The following TAFA1 variants were observed in gnomAD, a reference collection of about 807,000 sequenced individuals.
TAFA1 encodes TAFA chemokine like family member 1, also known as chemokine-like protein TAFA-1.
TAFA1 carries 4 observed loss-of-function variants against 18.5 expected under a neutral mutation model. The observed-to-expected ratio is 0.22, with a 90% CI of 0.11 to 0.49. The LOEUF is 0.49. Ranked by LOEUF, TAFA1 falls within the 20% of genes least tolerant of loss-of-function variation. The pLI is 0.98. For synonymous variants in TAFA1, 56 were observed against 55.2 expected (o/e 1.01, Z -0.06); for missense variants, 147 against 169.0 (o/e 0.87, Z 0.72).
chr3:68,026,561 C>T lies in TAFA1; in HGVS notation c.118+19817C>T, dbSNP rs996393364. On this transcript the variant is annotated intron_variant, in intron 2 of 4. Coordinates refer to ENST00000478136, the MANE Select transcript of TAFA1 (RefSeq NM_213609.4). ...CAGACCCACACCCACATATATACAT[C>T]TGTATATATTATTTAACCCTGACAA... is the stretch of plus-strand genomic sequence containing the variant. Among the ~76,000 whole-genome samples the T allele has an allele frequency of 2.6e-5, 4 of 152,098 alleles. No homozygotes were observed. The East Asian group carries it at 7.7e-4, about 29-fold the overall frequency.
At chr3:68,317,127 A>G (rs1482376711) in intron 2 of TAFA1, among the ~76,000 whole-genome samples, 1 of 152,200 alleles carries the variant, frequency 6.6e-6, no homozygotes, top group Non-Finnish European at 1.5e-5. Flanking sequence ...GGGAATGGTA[A>G]TTGAGTATTA....
At chr3:68,353,344 C>T (rs936700229) in intron 2 of TAFA1, among the ~76,000 whole-genome samples, 1 of 152,054 alleles carries the variant, frequency 6.6e-6, no homozygotes, top group Non-Finnish European at 1.5e-5. Context: ...GTCTCTGTTT[C>T]TTAAGTAAAG....
At chr3:68,409,509 A>G (rs1407165480) in intron 2 of TAFA1, among the ~76,000 whole-genome samples, 1 of 152,154 alleles carries the variant, frequency 6.6e-6, no homozygotes, top group African/African-American at 2.4e-5. Flanking sequence ...CACATTTTTA[A>G]GAAGGTACTT....
chr3:68,520,958 A>G (rs1268657345), intron 3 of TAFA1, among the ~76,000 whole-genome samples: 2 of 152,228 alleles, frequency 1.3e-5, no homozygotes, highest in African/African-American at 2.4e-5. Flanking sequence ...TCAGTGTAGC[A>G]TAGGATTGTG....
In TAFA1 at chr3:68,441,026, G is replaced by T. The variant is rs1470639697; in HGVS notation, c.259+23606G>T. On this transcript the variant is annotated intron_variant, in intron 3 of 4. Transcript: ENST00000478136. ...TCAGTAAAATTTCTAGGGGTCCAGTGGTGTTGGGTCTGTCGAGATATTCTT... is the reference window on the plus strand; with the variant it reads ...TCAGTAAAATTTCTAGGGGTCCAGTTGTGTTGGGTCTGTCGAGATATTCTT... 2.0e-5 allele frequency among the ~76,000 whole-genome samples: 3 copies of T among 152,126 alleles called. No homozygotes were observed. In the South Asian group the frequency reaches 6.2e-4, roughly 31 times the overall value.
chr3:68,250,206 G>C (rs1156307388), intron 2 of TAFA1, among the ~76,000 whole-genome samples: 4 of 152,024 alleles, frequency 2.6e-5, no homozygotes, highest in Non-Finnish European at 5.9e-5. Flanking sequence ...GGCAAAACTG[G>C]CTCTCTATTT....
chr3:68,153,037 G>A (rs2065825961), intron 2 of TAFA1, among the ~76,000 whole-genome samples: 1 of 152,140 alleles, frequency 6.6e-6, no homozygotes, highest in African/African-American at 2.4e-5. Context: ...AATAGTACAA[G>A]GAGAGGGAAT....
intron 2 of TAFA1, among the ~76,000 whole-genome samples, chr3:68,089,825 A>T (rs1446379864): frequency 6.6e-6 from 1 of 152,194 alleles, no homozygotes; most frequent in East Asian, 1.9e-4. Context: ...GTTAGGAATA[A>T]AGGATAAAAT....
At chr3:68,391,598 G>T (rs939785296) in intron 2 of TAFA1, among the ~76,000 whole-genome samples, 2 of 152,120 alleles carry the variant, frequency 1.3e-5, no homozygotes, top group Non-Finnish European at 2.9e-5. Flanking sequence ...AAATGTTAAG[G>T]ACAGCCAGAG....
chr3:68,070,760 C>G (rs1440247312), intron 2 of TAFA1, among the ~76,000 whole-genome samples: 1 of 152,194 alleles, frequency 6.6e-6, no homozygotes, highest in Non-Finnish European at 1.5e-5. Flanking sequence ...CCTAAATCAT[C>G]TCTCTCAAGT....
At chr3:68,074,244 G>A (rs1485356544) in intron 2 of TAFA1, among the ~76,000 whole-genome samples, 3 of 152,148 alleles carry the variant, frequency 2.0e-5, no homozygotes, top group Non-Finnish European at 4.4e-5. Context: ...CGAGTGACAG[G>A]GAGCTGCTGT....
chr3:68,127,656 G>T (rs1198939959), intron 2 of TAFA1, among the ~76,000 whole-genome samples: 1 of 150,116 alleles, frequency 6.7e-6, no homozygotes, highest in Non-Finnish European at 1.5e-5. Flanking sequence ...GACAGTGGTG[G>T]TGGTGGTGTG....
intron 2 of TAFA1, among the ~76,000 whole-genome samples, chr3:68,100,729 A>G (rs1433106884): frequency 6.6e-6 from 1 of 152,166 alleles, no homozygotes; most frequent in Non-Finnish European, 1.5e-5. Context: ...TATTTTTTGA[A>G]CATACCTTGT....
chr3:68,334,866 G>T (rs1052947844), intron 2 of TAFA1, among the ~76,000 whole-genome samples: 5 of 152,130 alleles, frequency 3.3e-5, no homozygotes, highest in Non-Finnish European at 7.3e-5. Flanking sequence ...TTGGAAAACA[G>T]AGCCCCAGCA....
intron 3 of TAFA1, among the ~76,000 whole-genome samples, chr3:68,449,470 G>A (rs2071532126): frequency 2.0e-5 from 3 of 152,104 alleles, no homozygotes; most frequent in Non-Finnish European, 4.4e-5. Flanking sequence ...TGATTTACAT[G>A]ATCAAACTTA....
At chr3:68,294,319 A>G (rs1230732478) in intron 2 of TAFA1, among the ~76,000 whole-genome samples, 1 of 152,200 alleles carries the variant, frequency 6.6e-6, no homozygotes, top group Non-Finnish European at 1.5e-5. Context: ...TACTTGCAAT[A>G]ATGTATTTTA....
At chr3:68,060,959 T>C (rs978815466) in intron 2 of TAFA1, among the ~76,000 whole-genome samples, 2 of 152,206 alleles carry the variant, frequency 1.3e-5, no homozygotes, top group African/African-American at 4.8e-5. Context: ...ACAGTGGGTG[T>C]GACATAGGTT....
rs1017181116 is a variant in TAFA1, at chr3:68,259,700, T to C, written c.119-157580T>C. 2.0e-5 allele frequency among the ~76,000 whole-genome samples: 3 copies of C among 152,214 alleles called. No individual in the cohort carries two copies. The South Asian group carries it at 6.2e-4, about 32-fold the overall frequency. ...AGGTATTTTGTTCTCTTTGAAGCAA[T>C]TGTGAATGGGAGTTCACTCATGATT... On this transcript the variant is annotated intron_variant, in intron 2 of 4. Transcript: ENST00000478136.
chr3:68,424,044 G>C (rs1435260980), intron 3 of TAFA1, among the ~76,000 whole-genome samples: 2 of 152,028 alleles, frequency 1.3e-5, no homozygotes, highest in Admixed American at 1.3e-4. Context: ...TTTCACGGCA[G>C]TGAAAACCCA....
Sources: allele counts gnomAD v4.1 joint callset (sites outside exome capture counted in the v4.1 genomes callset), GRCh38; gene constraint gnomAD v4.1.1; transcripts MANE v1.5; gene names NCBI Gene and HGNC (gene_info 2026-07-23, HGNC 2026-07-21).